Variants in MPP7 observed in about 807,000 individuals in gnomAD.
MPP7 encodes the protein MAGUK p55 scaffold protein 7, also known as MAGUK p55 subfamily member 7.
Under a neutral mutation model 76.5 loss-of-function variants are expected in MPP7, and 60 were observed. The observed-to-expected ratio is 0.78, with a 90% CI of 0.64 to 0.97. The LOEUF is 0.97. MPP7 is among the 50% of genes least tolerant of loss of function. The pLI, the probability that MPP7 is intolerant of heterozygous loss-of-function variation, is 0.00. For synonymous variants in MPP7, 237 were observed against 244.5 expected (o/e 0.97, Z 0.29); for missense variants, 641 against 694.0 (o/e 0.92, Z 0.86).
intron 5 of MPP7, among the ~76,000 whole-genome samples, chr10:28,144,533 G>A (rs1414989873): frequency 6.6e-6 from 1 of 152,094 alleles, no homozygotes; most frequent in Non-Finnish European, 1.5e-5. Flanking sequence ...CCGTTCTGAG[G>A]CTGCTTTTGC....
At chr10:28,058,642 T>TA (rs1851655781) in intron 14 of MPP7, 39 bp from the exon 15 acceptor site, 1 of 1,123,346 alleles carries the variant, frequency 8.9e-7, no homozygotes, top group African/African-American at 1.6e-5. Flanking sequence ...TTTGTGAATT[T>TA]AAAACAATTA....
At chr10:28,224,513 A>G (rs952304010) in intron 2 of MPP7, among the ~76,000 whole-genome samples, 2 of 152,358 alleles carry the variant, frequency 1.3e-5, no homozygotes, top group Admixed American at 1.3e-4. Context: ...TCCATTCTAC[A>G]TTCTATGAAT....
At position 28,124,031 on chromosome 10, in the gene MPP7, C is replaced by G; in HGVS notation, c.615G>C (p.Leu205Phe). The G allele has an allele frequency of 6.3e-7, 1 of 1,594,966 alleles. No homozygotes were observed. The highest frequency in any genetic ancestry group is 8.6e-7 in the Non-Finnish European group (1 of 1,163,086). The change falls in exon 8 of 17, where the codon TTG (leucine) becomes TTC (phenylalanine). Residue 205 changes from leucine (L) to phenylalanine (F), a missense_variant and splice_region_variant. Leu to Phe is a conservative substitution (Grantham distance 22). Transcript: ENST00000683449. ...CCTTTAAAAGAAATTTACAGCTTACCAAAATCTGTATTATTTCCTCAGGCC... is the reference window on the plus strand; with the variant it reads ...CCTTTAAAAGAAATTTACAGCTTACGAAAATCTGTATTATTTCCTCAGGCC... ...DKRPEEIIQI[L>F]AQSQGAITFK...
chr10:28,111,998 G>A (rs117717409), intron 11 of MPP7, among the ~76,000 whole-genome samples: 469 of 152,228 alleles, frequency 3.1e-3, no homozygotes, highest in Non-Finnish European at 5.5e-3. Flanking sequence ...GTATACCACT[G>A]TATTTTTATT....
intron 1 of MPP7, among the ~76,000 whole-genome samples, chr10:28,281,459 GT>G (rs1840669264): frequency 6.6e-6 from 1 of 152,078 alleles, no homozygotes; most frequent in South Asian, 2.1e-4. Context: ...GTGGTAATGA[GT>G]ATCTGCTCAA....
chr10:28,216,421 A>G (rs1838312647), intron 2 of MPP7, among the ~76,000 whole-genome samples: 1 of 152,238 alleles, frequency 6.6e-6, no homozygotes, highest in African/African-American at 2.4e-5. Context: ...ATCTATTAAC[A>G]ATATACTGAC....
In MPP7 at chr10:28,147,484, T is replaced by C; in HGVS notation, c.314A>G (p.Lys105Arg). Residue 105 changes from lysine to arginine, a missense_variant and splice_region_variant, in exon 5 of 17, where the codon AAG becomes AGG. Coordinates refer to ENST00000683449, the MANE Select transcript of MPP7 (RefSeq NM_001318170.2). ...ATTACCGGCGTAACATGTCCTCACCTTCACATTGGGTTTTGACAGTAGTTT... is the reference window on the plus strand; with the variant it reads ...ATTACCGGCGTAACATGTCCTCACCCTCACATTGGGTTTTGACAGTAGTTT... ...LLKLLSKPNVKALLSVHDTVA... is the reference protein window; with the variant it reads ...LLKLLSKPNVRALLSVHDTVA... The C allele has an allele frequency of 6.2e-7, 1 of 1,613,166 alleles. No individual in the cohort carries two copies. The highest frequency in any genetic ancestry group is 8.5e-7 in the Non-Finnish European group (1 of 1,179,066).
At position 28,092,845 on chromosome 10, in the gene MPP7, G is replaced by A. The variant is rs377469523; in HGVS notation, c.953-3004C>T. On this transcript the variant is annotated intron_variant, in intron 11 of 16. Coordinates refer to ENST00000683449, the MANE Select transcript of MPP7 (RefSeq NM_001318170.2). Reference sequence around the variant, plus strand: ...TCCGCCCACCTCAGCCTCCAAAAGTGCTGGGATTATAGGCATGAGACACTG... The same window carrying A: ...TCCGCCCACCTCAGCCTCCAAAAGTACTGGGATTATAGGCATGAGACACTG... Among the ~76,000 whole-genome samples the A allele has an allele frequency of 2.8e-4, 42 of 147,486 alleles. 1 individual carries two copies. The highest frequency in any genetic ancestry group is 2.7e-3 in the East Asian group (13 of 4,766).
chr10:28,244,030 A>C (rs1362002507), intron 1 of MPP7, among the ~76,000 whole-genome samples: 1 of 152,186 alleles, frequency 6.6e-6, no homozygotes, highest in African/African-American at 2.4e-5. Flanking sequence ...AGGTTTGGCA[A>C]ACATTCTCTG....
chr10:28,162,305 C>G (rs955878788), intron 3 of MPP7, among the ~76,000 whole-genome samples: 2 of 152,118 alleles, frequency 1.3e-5, no homozygotes, highest in African/African-American at 4.8e-5. Flanking sequence ...ATCACACACC[C>G]TACTCAGAAT....
chr10:28,330,723 T>C (rs1473264206), intron 1 of MPP7, among the ~76,000 whole-genome samples: 1 of 152,146 alleles, frequency 6.6e-6, no homozygotes, highest in African/African-American at 2.4e-5. Flanking sequence ...GGTGCAATTA[T>C]AACTCACTGT....
chr10:28,310,542 A>C (rs541472997), intron 2 of MPP7, among the ~76,000 whole-genome samples: 4 of 152,356 alleles, frequency 2.6e-5, no homozygotes, highest in East Asian at 3.9e-4. Context: ...AAACATGTGC[A>C]TATGCAGGAA....
In MPP7 at chr10:28,056,360, C is replaced by T. The variant is rs778429799; in HGVS notation, c.1551+120G>A. On this transcript the variant is annotated intron_variant, in intron 16 of 16. Coordinates refer to ENST00000683449, the MANE Select transcript of MPP7 (RefSeq NM_001318170.2). ...TTTTTGTAGAGATGGGGTTTCACCA[C>T]CTTGGCCAGGCTGGTCTTGAACTCC... The T allele has an allele frequency of 2.7e-5, 28 of 1,030,112 alleles. 1 individual carries two copies. The highest frequency in any genetic ancestry group is 4.0e-5 in the Non-Finnish European group (28 of 705,318). 63.8% of individuals were successfully genotyped at this position (1,030,112 alleles called of 1,614,324 possible). A position where few individuals can be genotyped will look rare whatever the true frequency, so the allele number is the denominator to read the frequency against.
At position 28,120,206 on chromosome 10, in the gene MPP7, T is replaced by G. The variant is rs778723959; in HGVS notation, c.875A>C (p.His292Pro). The G allele has an allele frequency of 1.8e-5, 29 of 1,612,390 alleles. No individual in the cohort carries two copies. In the South Asian group the frequency reaches 3.2e-4, roughly 18 times the overall value. ...NPRAGLIPSK[H>P]FQERRLALRR... ...ACCAGCAGCTCACCTTTCCTGGAAA[T>G]GCTTTGAGGGGATCAAGCCTGCCCT... Residue 292 changes from histidine (H) to proline (P), a missense_variant, in exon 10 of 17, where the codon CAT (histidine) becomes CCT (proline). Physicochemically the swap from His to Pro is moderately conservative, Grantham distance 77 (BLOSUM62 -2). Coordinates refer to ENST00000683449, the MANE Select transcript of MPP7 (RefSeq NM_001318170.2).
chr10:28,323,078 A>AGATT (rs1270019488), intron 2 of MPP7, among the ~76,000 whole-genome samples: 1 of 152,134 alleles, frequency 6.6e-6, no homozygotes, highest in African/African-American at 2.4e-5. Flanking sequence ...CAAGGTCAGG[A>AGATT]GATTGAGACC....
intron 3 of MPP7, among the ~76,000 whole-genome samples, chr10:28,167,247 G>A (rs140168932): frequency 0.13 from 20,204 of 151,816 alleles, 2,042 homozygotes; most frequent in African/African-American, 0.28. Flanking sequence ...GGAGGTGGAG[G>A]TTGCAGTGAG....
chr10:28,289,342 A>G (rs909964026), intron 1 of MPP7: 1 of 151,916 alleles, frequency 6.6e-6, no homozygotes, highest in African/African-American at 2.4e-5. Flanking sequence ...AGACTAGCAG[A>G]CTAGTGGATT....
At chr10:28,137,382 G>T (rs1344482575) in intron 5 of MPP7, among the ~76,000 whole-genome samples, 9 of 152,244 alleles carry the variant, frequency 5.9e-5, no homozygotes, top group South Asian at 2.1e-4. Flanking sequence ...TGGAAATGTG[G>T]GTCCATACAG....
Position 28,114,909 on chromosome 10 carries a change from T to C in MPP7, c.952+4742A>G, listed in dbSNP as rs751635520. Among the ~76,000 whole-genome samples the C allele has an allele frequency of 1.6e-4, 24 of 152,168 alleles. 1 individual carries two copies. The highest frequency in any genetic ancestry group is 3.5e-4 in the Non-Finnish European group (24 of 68,030). Reference sequence around the variant, plus strand: ...GAGAACACAGTTCACTGAGACTGAGTGTGAGCAGTAACAGTTAGAAGGTTC... The same window carrying C: ...GAGAACACAGTTCACTGAGACTGAGCGTGAGCAGTAACAGTTAGAAGGTTC... On this transcript the variant is annotated intron_variant, in intron 11 of 16. Coordinates refer to ENST00000683449, the MANE Select transcript of MPP7 (RefSeq NM_001318170.2).
Sources: allele counts gnomAD v4.1 joint callset (sites outside exome capture counted in the v4.1 genomes callset), GRCh38; gene constraint gnomAD v4.1.1; transcripts MANE v1.5; gene names NCBI Gene and HGNC (gene_info 2026-07-23, HGNC 2026-07-21).